Variants in IGF1R observed in about 807,000 individuals in gnomAD.
IGF1R encodes insulin like growth factor 1 receptor, also known as insulin-like growth factor 1 receptor.
In IGF1R, 44 loss-of-function variants were observed where a neutral mutation model predicts 144.6. The observed-to-expected ratio is 0.30, with a 90% CI of 0.24 to 0.39. IGF1R has a LOEUF of 0.39. IGF1R is among the 10% of genes least tolerant of loss of function. The pLI is 1.00. For synonymous variants in IGF1R, 795 were observed against 722.8 expected (o/e 1.10, Z -1.60); for missense variants, 1,355 against 1,833.7 (o/e 0.74, Z 4.77).
chr15:98,924,871 C>T (rs1377319792), intron 13 of IGF1R, among the ~76,000 whole-genome samples, 187 bp downstream of exon 13: 1 of 152,170 alleles, frequency 6.6e-6, no homozygotes. Context: ...AGGGCAGATG[C>T]CGAGCTTTGG....
intron 2 of IGF1R, among the ~76,000 whole-genome samples, chr15:98,811,412 C>G (rs1050771832): frequency 1.3e-5 from 2 of 150,346 alleles, no homozygotes; most frequent in Non-Finnish European, 3.0e-5. Context: ...CGCCTGTAGT[C>G]CCAGCTGCTC....
At chr15:98,878,487 T>C (rs1345974058) in intron 2 of IGF1R, among the ~76,000 whole-genome samples, 2 of 151,936 alleles carry the variant, frequency 1.3e-5, no homozygotes, top group African/African-American at 4.8e-5. Flanking sequence ...GAAGTAACTT[T>C]TAAGTGTGTG....
intron 8 of IGF1R, among the ~76,000 whole-genome samples, chr15:98,915,622 A>C (rs140124671): frequency 6.6e-6 from 1 of 152,240 alleles, no homozygotes; most frequent in Non-Finnish European, 1.5e-5. Flanking sequence ...GGAGAATGGC[A>C]GTTGTAATAA....
Position 98,957,607 on chromosome 15 carries a change from A to C in IGF1R, c.*165A>C. On this transcript the variant is annotated 3_prime_UTR_variant, in exon 21 of 21. Transcript: ENST00000650285. ...AGACAGCTTCTCTGCAGTAAAACAC[A>C]TTTGGGATGTTCCTTTTTTCAATAT... The C allele has an allele frequency of 1.3e-6, 1 of 783,972 alleles. No homozygotes were observed. The allele number at this position is 783,972 out of a possible 1,614,324, so 48.6% of individuals were successfully genotyped here. A position where few individuals can be genotyped will look rare whatever the true frequency, so the allele number is the denominator to read the frequency against.
intron 2 of IGF1R, among the ~76,000 whole-genome samples, chr15:98,884,822 T>C (rs561906518): frequency 5.9e-5 from 9 of 152,268 alleles, no homozygotes; most frequent in East Asian, 1.9e-4. Context: ...CATCTGATCA[T>C]GTGCCTCCTG....
chr15:98,956,172 G>A (rs2151736521), intron 20 of IGF1R, among the ~76,000 whole-genome samples: 2 of 152,352 alleles, frequency 1.3e-5, no homozygotes, highest in East Asian at 1.9e-4. Flanking sequence ...GGGGAGCCCC[G>A]GCCACAGCCG....
At chr15:98,765,308 C>CTTTTTTTTTTTTTTTTTT in intron 2 of IGF1R, among the ~76,000 whole-genome samples, 1 of 61,824 alleles carries the variant, frequency 1.6e-5, no homozygotes, top group African/African-American at 6.7e-5. Context: ...ATGCCAACAC[C>CTTTTTTTTTTTTTTTTTT]TTTTTTTTTT....
intron 2 of IGF1R, among the ~76,000 whole-genome samples, chr15:98,777,167 C>T (rs1202038832): frequency 1.3e-5 from 2 of 152,102 alleles, no homozygotes; most frequent in East Asian, 1.9e-4. Flanking sequence ...GCAGGAGGGG[C>T]GGGTGTCCTG....
At chr15:98,931,312 G>C (rs555557960) in intron 15 of IGF1R, among the ~76,000 whole-genome samples, 4 of 152,130 alleles carry the variant, frequency 2.6e-5, no homozygotes, top group African/African-American at 9.7e-5. Context: ...TTCTTGCCTC[G>C]GGAGAAGTGA....
intron 1 of IGF1R, among the ~76,000 whole-genome samples, chr15:98,692,198 C>T (rs1255806681): frequency 6.6e-6 from 1 of 152,048 alleles, no homozygotes; most frequent in Non-Finnish European, 1.5e-5. Context: ...ATTAGCTGGG[C>T]ATGGTGGTGC....
Position 98,799,553 on chromosome 15 carries a change from A to G in IGF1R, c.640+91446A>G, listed in dbSNP as rs919128365. On this transcript the variant is annotated intron_variant, in intron 2 of 20. Transcript: ENST00000650285. Reference sequence around the variant, plus strand: ...ATTGTGATTTAATCACAGACCATGTATTTCGCAAGATTCATTTGGTATCTC... The same window carrying G: ...ATTGTGATTTAATCACAGACCATGTGTTTCGCAAGATTCATTTGGTATCTC... Among the ~76,000 whole-genome samples, 52 of 152,154 alleles carry G rather than the reference A, an allele frequency of 3.4e-4. 3 individuals carry two copies. The highest frequency in any genetic ancestry group is 5.9e-5 in the Non-Finnish European group (4 of 68,034).
intron 10 of IGF1R, 106 bp downstream of exon 10, chr15:98,916,982 A>G (rs1015242103): frequency 1.1e-6 from 1 of 937,222 alleles, no homozygotes; most frequent in South Asian, 1.4e-5. Flanking sequence ...TGGGGGGTAC[A>G]ATACAGTAGC....
Position 98,961,770 on chromosome 15 carries a change from C to T in IGF1R, c.*4328C>T, listed in dbSNP as rs1014666539. 3.0e-5 allele frequency: 7 copies of T among 233,350 alleles called. No individual in the cohort carries two copies. Among genetic ancestry groups the T allele is most frequent in the South Asian group, 1.8e-4 (1 of 5,538 alleles). 14.5% of individuals were successfully genotyped at this position (233,350 alleles called of 1,614,324 possible). ...GACCCAGACCACCCCAGGTCTCCTT[C>T]GTGGGATGTCATGACGTTTGACATA... On this transcript the variant is annotated 3_prime_UTR_variant, in exon 21 of 21. Transcript: ENST00000650285.
chr15:98,726,357 G>T (rs1596238748), intron 2 of IGF1R, among the ~76,000 whole-genome samples: 1 of 152,196 alleles, frequency 6.6e-6, no homozygotes, highest in African/African-American at 2.4e-5. Flanking sequence ...TGACTTAGTG[G>T]CTTGTCTTGC....
intron 2 of IGF1R, among the ~76,000 whole-genome samples, chr15:98,834,251 A>G (rs1378255779): frequency 2.0e-5 from 3 of 152,208 alleles, no homozygotes; most frequent in African/African-American, 7.2e-5. Context: ...CAGCATCACC[A>G]TGGTGCCTGG....
chr15:98,666,456 A>G (rs2052740561), intron 1 of IGF1R, among the ~76,000 whole-genome samples: 1 of 152,214 alleles, frequency 6.6e-6, no homozygotes, highest in African/African-American at 2.4e-5. Context: ...CAAATAATTC[A>G]AAATAGCCAA....
intron 1 of IGF1R, among the ~76,000 whole-genome samples, chr15:98,682,581 T>G (rs1279172456): frequency 6.6e-6 from 1 of 152,126 alleles, no homozygotes; most frequent in African/African-American, 2.4e-5. Context: ...AGAATCTTAC[T>G]CTGTCATCCA....
intron 2 of IGF1R, among the ~76,000 whole-genome samples, chr15:98,731,451 T>C (rs1596244860): frequency 6.6e-6 from 1 of 152,240 alleles, no homozygotes; most frequent in Admixed American, 6.5e-5. Context: ...TTCTCCTCCT[T>C]GTTTCTGTCT....
At chr15:98,765,948 A>G (rs922059858) in intron 2 of IGF1R, among the ~76,000 whole-genome samples, 17 of 152,098 alleles carry the variant, frequency 1.1e-4, no homozygotes, top group Non-Finnish European at 2.9e-5. Flanking sequence ...CGCAAGGGAG[A>G]GGGTGTCTGG....
Sources: gnomAD v4.1 joint callset for allele counts (sites outside exome capture counted in the v4.1 genomes callset) on GRCh38, gnomAD v4.1.1 for gene constraint, MANE v1.5 for transcripts, NCBI Gene and HGNC (gene_info 2026-07-23, HGNC 2026-07-21) for gene names.